VGLL1: variants seen among roughly 807,000 people sequenced by gnomAD.
The protein encoded by VGLL1 is transcription cofactor vestigial-like protein 1.
VGLL1 carries 4 observed loss-of-function variants against 12.0 expected under a neutral mutation model. The observed-to-expected ratio is 0.33, with a 90% CI of 0.16 to 0.76. VGLL1 has a LOEUF of 0.76. Ranked by LOEUF, VGLL1 falls within the 30% of genes least tolerant of loss-of-function variation. VGLL1 has a pLI of 0.60. For missense variants in VGLL1, 204 were observed against 208.7 expected, an observed-to-expected ratio of 0.98 and a Z score of 0.14; for synonymous variants, 87 against 81.2, an observed-to-expected ratio of 1.07 and a Z score of -0.39.
intron 1 of VGLL1, among the ~76,000 whole-genome samples, chrX:136,534,519 A>G (rs1569359572): frequency 8.9e-6 from 1 of 112,734 alleles, no homozygotes; most frequent in Non-Finnish European, 1.9e-5. Flanking sequence ...ATTCCATTGT[A>G]TAAATATGTC....
chrX:136,556,579 G>T lies in VGLL1; in HGVS notation c.*40G>T, dbSNP rs1219890526. The T allele has an allele frequency of 3.6e-6, 4 of 1,124,396 alleles. No individual in the cohort carries two copies. The highest frequency in any genetic ancestry group is 3.7e-5 in the South Asian group (2 of 54,441). The allele number at this position is 1,124,396 out of a possible 1,213,427, so 92.7% of individuals were successfully genotyped here. A position where few individuals can be genotyped will look rare whatever the true frequency, so the allele number is the denominator to read the frequency against. ...AAAGACAACACTTGGTCTAAGACAC[G>T]GCAGCAAGACATCCCTGCATATTGT... On this transcript the variant is annotated 3_prime_UTR_variant, in exon 5 of 5. Transcript: ENST00000370634.
chrX:136,553,306 C>CTTTTTT (rs1226003954), intron 4 of VGLL1, among the ~76,000 whole-genome samples: 2 of 72,416 alleles, frequency 2.8e-5, no homozygotes, highest in Non-Finnish European at 5.1e-5. Flanking sequence ...ATGTTTTATT[C>CTTTTTT]TTTTTTTTTT....
At chrX:136,549,084 G>A in intron 3 of VGLL1, 76 bp downstream of exon 3, 1 of 1,058,894 alleles carries the variant, frequency 9.4e-7, no homozygotes, top group South Asian at 2.2e-5. Context: ...CATGAGATGA[G>A]GTGCCAAGAC....
intron 2 of VGLL1, among the ~76,000 whole-genome samples, chrX:136,543,218 G>C (rs974294580): frequency 8.9e-6 from 1 of 111,956 alleles, no homozygotes; most frequent in Non-Finnish European, 1.9e-5. Context: ...TGTGAAAGAG[G>C]GGAAGGAACT....
At chrX:136,534,795 GTACCTGGT>G (rs2057732358) in intron 1 of VGLL1, among the ~76,000 whole-genome samples, 1 of 111,959 alleles carries the variant, frequency 8.9e-6, no homozygotes, top group Non-Finnish European at 1.9e-5. Flanking sequence ...TTTTGAGCTA[GTACCTGGT>G]TACGCTTAGC....
At chrX:136,537,726 A>G (rs1216644642) in intron 2 of VGLL1, among the ~76,000 whole-genome samples, 1 of 107,740 alleles carries the variant, frequency 9.3e-6, no homozygotes, top group African/African-American at 3.5e-5. Flanking sequence ...CACCCAGCTA[A>G]TTTAATTTTT....
Position 136,556,594 on chromosome X carries a change from C to T in VGLL1, c.*55C>T. 1 of 1,075,987 alleles carries T rather than the reference C, an allele frequency of 9.3e-7. No individual in the cohort carries two copies. The highest frequency in any genetic ancestry group is 1.8e-5 in the African/African-American group (1 of 54,968). The allele number at this position is 1,075,987 out of a possible 1,213,427, so 88.7% of individuals were successfully genotyped here. ...TCTAAGACACGGCAGCAAGACATCC[C>T]TGCATATTGTTCCAGATAAAAATGA... On this transcript the variant is annotated 3_prime_UTR_variant, in exon 5 of 5. Transcript: ENST00000370634.
At chrX:136,550,255 A>G (rs2075882001) in intron 3 of VGLL1, among the ~76,000 whole-genome samples, 1 of 112,760 alleles carries the variant, frequency 8.9e-6, no homozygotes, top group South Asian at 3.6e-4. Context: ...GCTTGTATAT[A>G]TGCCTGTGCA....
intron 2 of VGLL1, among the ~76,000 whole-genome samples, chrX:136,537,302 G>A (rs2075842568): frequency 9.0e-6 from 1 of 110,663 alleles, no homozygotes; most frequent in Non-Finnish European, 1.9e-5. Flanking sequence ...GAGCCTGGGA[G>A]GTTGAGGCTG....
chrX:136,554,309 A>T (rs1344627752), intron 4 of VGLL1, among the ~76,000 whole-genome samples: 1 of 109,984 alleles, frequency 9.1e-6, no homozygotes, highest in African/African-American at 3.3e-5. Context: ...TCTGGGAAGA[A>T]TTAGGGCAGA....
Position 136,542,213 on chromosome X carries a change from A to T in VGLL1, c.214+5979A>T, listed in dbSNP as rs183996272. Among the ~76,000 whole-genome samples the T allele has an allele frequency of 5.5e-3, 516 of 94,434 alleles. 6 individuals are homozygous for T. The highest frequency in any genetic ancestry group is 0.015 in the African/African-American group (391 of 26,846). The allele number at this position is 94,434 out of a possible 115,157, so 82.0% of individuals were successfully genotyped here. Reference sequence around the variant, plus strand: ...TAGGGAAGAAATGCTGGCTTTTTTTAAAAAAAAAAAGTGTAAATATCTATG... The same window carrying T: ...TAGGGAAGAAATGCTGGCTTTTTTTTAAAAAAAAAAGTGTAAATATCTATG... On this transcript the variant is annotated intron_variant, in intron 2 of 4. Transcript: ENST00000370634.
In VGLL1 at chrX:136,548,669, G is replaced by A. The variant is rs143210957; in HGVS notation, c.295G>A (p.Ala99Thr). 8.3e-5 allele frequency: 101 copies of A among 1,210,483 alleles called. 1 individual carries two copies. The African/African-American group carries it at 1.5e-3, about 18-fold the overall frequency. ...PQPEVPVTNR[A>T]ANCNLHVPGP... ...ACCAGAAGTACCTGTCACAAACCGT[G>A]CCGCCAACTGCAACTTGCATGTGCC... Residue 99 changes from alanine to threonine, a missense_variant, in exon 3 of 5, where the codon GCC (alanine) becomes ACC (threonine). Physicochemically the swap from Ala to Thr is moderately conservative, Grantham distance 58. Coordinates refer to ENST00000370634, the MANE Select transcript of VGLL1 (RefSeq NM_016267.4).
chrX:136,538,034 C>T (rs1265005921), intron 2 of VGLL1, among the ~76,000 whole-genome samples: 1 of 111,999 alleles, frequency 8.9e-6, no homozygotes, highest in Non-Finnish European at 1.9e-5. Flanking sequence ...GATGAATAGT[C>T]TTGCCACATC....
chrX:136,542,524 T>A (rs1322097745), intron 2 of VGLL1, among the ~76,000 whole-genome samples: 1 of 112,716 alleles, frequency 8.9e-6, no homozygotes, highest in Non-Finnish European at 1.9e-5. Flanking sequence ...TCTGGGGTGG[T>A]GATCAGGTTC....
At chrX:136,546,663 A>G (rs1943759793) in intron 2 of VGLL1, among the ~76,000 whole-genome samples, 2 of 112,534 alleles carry the variant, frequency 1.8e-5, no homozygotes, top group African/African-American at 3.2e-5. Context: ...AGTCATATGT[A>G]TGAGATCTGT....
At chrX:136,544,819 G>T (rs923164485) in intron 2 of VGLL1, among the ~76,000 whole-genome samples, 1 of 112,180 alleles carries the variant, frequency 8.9e-6, no homozygotes, top group Non-Finnish European at 1.9e-5. Context: ...AACCAGCCCT[G>T]AAGTGCTGCT....
At chrX:136,540,965 G>T (rs935572175) in intron 2 of VGLL1, among the ~76,000 whole-genome samples, 7 of 111,893 alleles carry the variant, frequency 6.3e-5, no homozygotes, top group Non-Finnish European at 1.3e-4. Context: ...TGAATTATAG[G>T]ACTGTGCTTG....
intron 2 of VGLL1, among the ~76,000 whole-genome samples, chrX:136,541,408 G>T (rs951153591): frequency 1.8e-5 from 2 of 111,988 alleles, no homozygotes; most frequent in South Asian, 3.7e-4. Flanking sequence ...ATATTTGTCC[G>T]CTGATTGAGC....
In VGLL1 at chrX:136,556,574, G is replaced by T; in HGVS notation, c.*35G>T. 1 of 1,140,960 alleles carries T rather than the reference G, an allele frequency of 8.8e-7. No homozygotes were observed. Among genetic ancestry groups the T allele is most frequent in the South Asian group, 1.8e-5 (1 of 54,883 alleles). 94.0% of individuals were successfully genotyped at this position (1,140,960 alleles called of 1,213,427 possible). On this transcript the variant is annotated 3_prime_UTR_variant, in exon 5 of 5. Coordinates refer to ENST00000370634, the MANE Select transcript of VGLL1 (RefSeq NM_016267.4). ...AGGAGAAAGACAACACTTGGTCTAA[G>T]ACACGGCAGCAAGACATCCCTGCAT...
Sources: gnomAD v4.1 joint callset for allele counts (sites outside exome capture counted in the v4.1 genomes callset) on GRCh38, gnomAD v4.1.1 for gene constraint, MANE v1.5 for transcripts, NCBI Gene and HGNC (gene_info 2026-07-23, HGNC 2026-07-21) for gene names.